Variants in TRAPPC3L observed in about 807,000 individuals in gnomAD.
TRAPPC3L encodes the protein trafficking protein particle complex subunit 3L.
TRAPPC3L carries 23 observed loss-of-function variants against 23.7 expected under a neutral mutation model. That is an observed-to-expected ratio of 0.97 (90% CI 0.70 to 1.37). TRAPPC3L has a LOEUF of 1.37. Among genes scored for constraint, TRAPPC3L ranks in the 40% most tolerant of loss-of-function variants. The pLI is 0.00. For missense variants in TRAPPC3L, 212 were observed against 216.8 expected, an observed-to-expected ratio of 0.98 and a Z score of 0.14; for synonymous variants, 81 against 77.9, an observed-to-expected ratio of 1.04 and a Z score of -0.21.
intron 2 of TRAPPC3L, among the ~76,000 whole-genome samples, chr6:116,542,355 G>A (rs1773515450): frequency 6.6e-6 from 1 of 152,040 alleles, no homozygotes; most frequent in Non-Finnish European, 1.5e-5. Flanking sequence ...AAAAAAATAT[G>A]CATACAGAAA....
intron 3 of TRAPPC3L, among the ~76,000 whole-genome samples, chr6:116,509,034 C>T (rs1772057177): frequency 6.7e-6 from 1 of 149,446 alleles, no homozygotes; most frequent in African/African-American, 2.5e-5. Flanking sequence ...CTGCTATACA[C>T]CAACAACAAC....
At chr6:116,516,346 T>C (rs1335338763) in intron 3 of TRAPPC3L, 1 of 172,544 alleles carries the variant, frequency 5.8e-6, no homozygotes, top group Admixed American at 6.1e-5. Flanking sequence ...GGCTTGTGAG[T>C]GAGCAAGTTA....
At chr6:116,544,780 A>G (rs1198059212) in intron 1 of TRAPPC3L, among the ~76,000 whole-genome samples, 2 of 152,102 alleles carry the variant, frequency 1.3e-5, no homozygotes, top group Admixed American at 6.6e-5. Context: ...AGTCACTACA[A>G]TTCTAAACAC....
chr6:116,497,139 G>C, intron 4 of TRAPPC3L, 66 bp from the exon 5 acceptor site: 1 of 1,486,050 alleles, frequency 6.7e-7, no homozygotes, highest in Non-Finnish European at 8.9e-7. Context: ...AATTTTCTCA[G>C]TCTTTTTTCA....
chr6:116,498,768 T>G (rs374488717), intron 4 of TRAPPC3L, among the ~76,000 whole-genome samples: 2 of 152,254 alleles, frequency 1.3e-5, no homozygotes, highest in East Asian at 3.8e-4. Flanking sequence ...CAGTCTGTCC[T>G]CTTGAAATGA....
rs534634032 is a variant in TRAPPC3L, at chr6:116,496,418, T to C, written c.*536A>G. 1 of 152,244 alleles carries C rather than the reference T, an allele frequency of 6.6e-6. No homozygotes were observed. Among genetic ancestry groups the C allele is most frequent in the Admixed American group, 6.5e-5 (1 of 15,278 alleles). 9.4% of individuals were successfully genotyped at this position (152,244 alleles called of 1,614,324 possible). A position where few individuals can be genotyped will look rare whatever the true frequency, so the allele number is the denominator to read the frequency against. Reference sequence around the variant, plus strand: ...AATAGCTTGACTTGGTGATTACAAATCAAGGGTAGCGTCAGAAGGCTAAAG... The same window carrying C: ...AATAGCTTGACTTGGTGATTACAAACCAAGGGTAGCGTCAGAAGGCTAAAG... On this transcript the variant is annotated 3_prime_UTR_variant, in exon 5 of 5. Coordinates refer to ENST00000368602, the MANE Select transcript of TRAPPC3L (RefSeq NM_001139444.3).
At chr6:116,538,890 C>T (rs902407904) in intron 3 of TRAPPC3L, among the ~76,000 whole-genome samples, 21 of 152,126 alleles carry the variant, frequency 1.4e-4, no homozygotes, top group South Asian at 8.3e-4. Flanking sequence ...CCACCACGCC[C>T]GGCTAATTTT....
intron 3 of TRAPPC3L, chr6:116,518,513 G>A (rs1208776263): frequency 2.0e-5 from 3 of 152,278 alleles, no homozygotes; most frequent in Non-Finnish European, 4.4e-5. Flanking sequence ...ATGTGAGGGG[G>A]TAGAGTTTTC....
rs80025318 is a variant in TRAPPC3L, at chr6:116,526,577, G to A, written c.240+13786C>T. The stretch of plus-strand genomic sequence containing the variant: ...GAAAGCTCCAGGTGAGTCTATGCAG[G>A]AGCTAGAATTGATAACCCTTGCCCG... On this transcript the variant is annotated intron_variant, in intron 3 of 4. Transcript: ENST00000368602. 4.9e-3 allele frequency among the ~76,000 whole-genome samples: 746 copies of A among 152,266 alleles called. 15 individuals carry two copies. The East Asian group carries it at 0.057, about 12-fold the overall frequency.
intron 3 of TRAPPC3L, chr6:116,519,881 G>C (rs555846461): frequency 6.6e-6 from 1 of 151,982 alleles, no homozygotes; most frequent in South Asian, 2.1e-4. Flanking sequence ...CCTTTTTTCA[G>C]GCTCAACCAC....
At chr6:116,522,639 A>G (rs1396784154) in intron 3 of TRAPPC3L, 4 of 152,214 alleles carry the variant, frequency 2.6e-5, no homozygotes, top group African/African-American at 4.8e-5. Context: ...TGAAAGGAAT[A>G]CAAACATATT....
chr6:116,529,565 G>A (rs1772573009), intron 3 of TRAPPC3L, among the ~76,000 whole-genome samples: 2 of 152,140 alleles, frequency 1.3e-5, no homozygotes, highest in South Asian at 2.1e-4. Context: ...TCCACCATTC[G>A]TATCTGCCTT....
At chr6:116,497,234 G>T in intron 4 of TRAPPC3L, 161 bp from the exon 5 acceptor site, 1 of 859,814 alleles carries the variant, frequency 1.2e-6, no homozygotes, top group Non-Finnish European at 1.7e-6. Flanking sequence ...CTCCGGAGAT[G>T]GTCCAGCTGT....
At chr6:116,518,033 G>A (rs1222815281) in intron 3 of TRAPPC3L, 1 of 152,232 alleles carries the variant, frequency 6.6e-6, no homozygotes, top group Admixed American at 6.6e-5. Context: ...GCCTCCATCT[G>A]GCTGTTTCTG....
chr6:116,495,735 A>G lies in TRAPPC3L; in HGVS notation c.*1219T>C, dbSNP rs1284264401. 3 of 152,090 alleles carry G rather than the reference A, an allele frequency of 2.0e-5. No homozygotes were observed. Among genetic ancestry groups the G allele is most frequent in the African/African-American group, 7.2e-5 (3 of 41,420 alleles). The allele number at this position is 152,090 out of a possible 1,614,324, so 9.4% of individuals were successfully genotyped here. On this transcript the variant is annotated 3_prime_UTR_variant, in exon 5 of 5. Coordinates refer to ENST00000368602, the MANE Select transcript of TRAPPC3L (RefSeq NM_001139444.3). Reference sequence around the variant, plus strand: ...AACTAGGGTGAGATAATATCTCATTATAGTTTTGATTTGCATTTCTCTGAT... The same window carrying G: ...AACTAGGGTGAGATAATATCTCATTGTAGTTTTGATTTGCATTTCTCTGAT...
In TRAPPC3L at chr6:116,510,246, C is replaced by A. The variant is rs139485355; in HGVS notation, c.241-9580G>T. 1.3e-3 allele frequency among the ~76,000 whole-genome samples: 202 copies of A among 152,150 alleles called. 1 individual carries two copies. Among genetic ancestry groups the A allele is most frequent in the African/African-American group, 4.7e-3 (197 of 41,534 alleles). On this transcript the variant is annotated intron_variant, in intron 3 of 4. Transcript: ENST00000368602. ...CTGGTAGGAATGTAAATTAGTACAACCTCTATAAAAAACAGTATGGAGATT... is the reference window on the plus strand; with the variant it reads ...CTGGTAGGAATGTAAATTAGTACAAACTCTATAAAAAACAGTATGGAGATT...
chr6:116,537,620 T>C (rs896998321), intron 3 of TRAPPC3L, among the ~76,000 whole-genome samples: 1 of 152,194 alleles, frequency 6.6e-6, no homozygotes, highest in Non-Finnish European at 1.5e-5. Flanking sequence ...TATTTCCACA[T>C]ATTGAAGACT....
At chr6:116,506,888 G>C (rs968950200) in intron 3 of TRAPPC3L, among the ~76,000 whole-genome samples, 1 of 152,112 alleles carries the variant, frequency 6.6e-6, no homozygotes, top group South Asian at 2.1e-4. Context: ...GGGAGGGATA[G>C]CTTTAGGAGA....
intron 3 of TRAPPC3L, among the ~76,000 whole-genome samples, chr6:116,528,307 A>G (rs1772511131): frequency 6.6e-6 from 1 of 152,234 alleles, no homozygotes; most frequent in Non-Finnish European, 1.5e-5. Flanking sequence ...CTCAAAATCC[A>G]CAAAGCTTGT....
Sources: gnomAD v4.1 joint callset for allele counts (sites outside exome capture counted in the v4.1 genomes callset) on GRCh38, gnomAD v4.1.1 for gene constraint, MANE v1.5 for transcripts, NCBI Gene and HGNC (gene_info 2026-07-23, HGNC 2026-07-21) for gene names.